The following ZFAND6 variants were observed in gnomAD, a reference collection of about 807,000 sequenced individuals.
ZFAND6 encodes zinc finger AN1-type containing 6.
Under a neutral mutation model 24.5 loss-of-function variants are expected in ZFAND6, and 12 were observed. The observed-to-expected ratio is 0.49, with a 90% CI of 0.31 to 0.79. ZFAND6 has a LOEUF of 0.79. ZFAND6 is among the 30% of genes least tolerant of loss of function. The pLI is 0.04. For missense variants in ZFAND6, 207 were observed against 245.9 expected (o/e 0.84, Z 1.06); for synonymous variants, 92 against 81.5 (o/e 1.13, Z -0.69).
intron 1 of ZFAND6, among the ~76,000 whole-genome samples, chr15:80,067,568 A>G (rs186336454): frequency 3.3e-4 from 50 of 152,254 alleles, no homozygotes; most frequent in Admixed American, 2.3e-3. Context: ...GCTACCATCC[A>G]CTTGTGGCTA....
At chr15:80,099,358 A>G (rs1278168170) in intron 2 of ZFAND6, among the ~76,000 whole-genome samples, 2 of 152,184 alleles carry the variant, frequency 1.3e-5, no homozygotes, top group East Asian at 1.9e-4. Context: ...TTGTTTGTAC[A>G]GATGGAGTGA....
intron 1 of ZFAND6, among the ~76,000 whole-genome samples, chr15:80,063,270 T>A (rs1233507451): frequency 6.6e-6 from 1 of 152,234 alleles, no homozygotes; most frequent in East Asian, 1.9e-4. Flanking sequence ...AAAACTATTA[T>A]TTCAACATGT....
intron 1 of ZFAND6, chr15:80,060,727 T>A (rs1423366070): frequency 2.0e-5 from 3 of 152,276 alleles, no homozygotes; most frequent in African/African-American, 7.2e-5. Context: ...ATCGAGACCA[T>A]CCTGGCCAAC....
At chr15:80,093,980 T>G (rs990605124) in intron 1 of ZFAND6, among the ~76,000 whole-genome samples, 2 of 149,432 alleles carry the variant, frequency 1.3e-5, no homozygotes, top group African/African-American at 5.1e-5. Flanking sequence ...GGCACTTACA[T>G]TTGGTATTTT....
At chr15:80,100,596 A>G (rs2038978136) in intron 2 of ZFAND6, among the ~76,000 whole-genome samples, 1 of 152,244 alleles carries the variant, frequency 6.6e-6, no homozygotes, top group Non-Finnish European at 1.5e-5. Flanking sequence ...TATGTGAGCA[A>G]CATATATAAA....
intron 6 of ZFAND6, 92 bp from the exon 7 acceptor site, chr15:80,137,388 C>T: frequency 7.2e-7 from 1 of 1,380,492 alleles, no homozygotes. Context: ...TACATTGCTG[C>T]CCTAAATATA....
At chr15:80,080,182 C>T (rs1256231261) in intron 1 of ZFAND6, among the ~76,000 whole-genome samples, 3 of 151,446 alleles carry the variant, frequency 2.0e-5, no homozygotes, top group South Asian at 2.1e-4. Context: ...ATTTTAGTAG[C>T]TACGGGGTTT....
intron 5 of ZFAND6, among the ~76,000 whole-genome samples, chr15:80,126,511 C>T (rs1415045904): frequency 6.6e-6 from 1 of 152,130 alleles, no homozygotes; most frequent in African/African-American, 2.4e-5. Flanking sequence ...CATTGACTTT[C>T]AACAATGGTG....
chr15:80,065,002 C>CT (rs371580044), intron 1 of ZFAND6, among the ~76,000 whole-genome samples: 5,889 of 68,006 alleles, frequency 0.087, 228 homozygotes, highest in East Asian at 0.26. Flanking sequence ...CTCTCTCCCC[C>CT]TTTTTTTTTT....
At chr15:80,128,569 A>G (rs2040466886) in intron 5 of ZFAND6, among the ~76,000 whole-genome samples, 1 of 152,262 alleles carries the variant, frequency 6.6e-6, no homozygotes. Context: ...TCTGGGAATC[A>G]TAGACTTTTA....
chr15:80,136,143 T>A (rs935990391), intron 6 of ZFAND6, among the ~76,000 whole-genome samples: 3 of 150,846 alleles, frequency 2.0e-5, no homozygotes, highest in African/African-American at 7.3e-5. Context: ...AAAAAAGACA[T>A]TTTAAAATAT....
intron 2 of ZFAND6, among the ~76,000 whole-genome samples, chr15:80,114,382 T>C (rs535701753): frequency 5.3e-4 from 80 of 152,304 alleles, no homozygotes; most frequent in South Asian, 1.0e-3. Flanking sequence ...GGTTAAATTA[T>C]GTGAAGGACG....
intron 3 of ZFAND6, among the ~76,000 whole-genome samples, chr15:80,121,050 G>A (rs952022060): frequency 1.3e-5 from 2 of 152,158 alleles, no homozygotes; most frequent in African/African-American, 4.8e-5. Context: ...GTATAAGAAG[G>A]ATCATGCGGA....
chr15:80,119,739 A>G lies in ZFAND6; in HGVS notation c.-17-589A>G, dbSNP rs1019153611. Among the ~76,000 whole-genome samples, 10 of 152,338 alleles carry G rather than the reference A, an allele frequency of 6.6e-5. No homozygotes were observed. In the South Asian group the frequency reaches 2.1e-3, roughly 32 times the overall value. ...TTAAAGGGGAATGACTGGTTCAGAT[A>G]GCAATATTTGTTTTTTACAGGGTTC... On this transcript the variant is annotated intron_variant, in intron 2 of 6. Transcript: ENST00000261749.
At chr15:80,127,884 G>T (rs2142039561) in intron 5 of ZFAND6, among the ~76,000 whole-genome samples, 1 of 152,222 alleles carries the variant, frequency 6.6e-6, no homozygotes, top group East Asian at 1.9e-4. Context: ...ACAAAAACGT[G>T]TACACAAGTG....
intron 1 of ZFAND6, among the ~76,000 whole-genome samples, chr15:80,092,041 T>G (rs1411262682): frequency 2.0e-5 from 3 of 152,232 alleles, no homozygotes; most frequent in Admixed American, 2.0e-4. Flanking sequence ...ATGCTTTGTT[T>G]CTGAGTAGAG....
chr15:80,072,569 G>A (rs1359339992), intron 1 of ZFAND6: 2 of 152,096 alleles, frequency 1.3e-5, no homozygotes, highest in African/African-American at 4.8e-5. Context: ...TTGGTATTCA[G>A]GTTTGGTTGC....
chr15:80,112,420 C>T (rs889163454), intron 2 of ZFAND6, among the ~76,000 whole-genome samples: 1 of 152,028 alleles, frequency 6.6e-6, no homozygotes, highest in African/African-American at 2.4e-5. Flanking sequence ...TTTTTTGAGA[C>T]AGAGTCTTGC....
At chr15:80,071,340 G>A (rs957415805) in intron 1 of ZFAND6, among the ~76,000 whole-genome samples, 2 of 152,138 alleles carry the variant, frequency 1.3e-5, no homozygotes, top group Non-Finnish European at 2.9e-5. Flanking sequence ...ATTTTAAGAA[G>A]AAGTCACTCT....
Sources: gnomAD v4.1 joint callset for allele counts (sites outside exome capture counted in the v4.1 genomes callset) on GRCh38, gnomAD v4.1.1 for gene constraint, MANE v1.5 for transcripts, NCBI Gene and HGNC (gene_info 2026-07-23, HGNC 2026-07-21) for gene names.